The following ZNF141 variants were observed in gnomAD, a reference collection of about 807,000 sequenced individuals.
ZNF141 encodes zinc finger protein 141 (clone pHZ-44).
ZNF141 carries 7 observed loss-of-function variants against 11.3 expected under a neutral mutation model. The observed-to-expected ratio is 0.62, with a 90% CI of 0.35 to 1.16. ZNF141 has a LOEUF of 1.16. Ranked by LOEUF, ZNF141 falls within the 50% of genes most tolerant of loss-of-function variation. The pLI, the probability that ZNF141 is intolerant of heterozygous loss-of-function variation, is 0.02. For synonymous variants in ZNF141, 183 were observed against 190.7 expected, an observed-to-expected ratio of 0.96 and a Z score of 0.33; for missense variants, 535 against 554.0, an observed-to-expected ratio of 0.97 and a Z score of 0.34.
intron 3 of ZNF141, among the ~76,000 whole-genome samples, chr4:360,330 A>T (rs1299148531): frequency 6.6e-6 from 1 of 152,252 alleles, no homozygotes; most frequent in African/African-American, 2.4e-5. Context: ...ACTCAGATTT[A>T]CACATTGTGT....
In ZNF141 at chr4:378,835, A is replaced by ATTTTTTTTTTTTT. The variant is rs570639890; in HGVS notation, c.*4988_*5000dup. ...GTTGAATCCAAACAGTTTCTCAGTG[A>ATTTTTTTTTTTTT]TTTTTTTTTTTTTTTTTTTTTTTTT... On this transcript the variant is annotated 3_prime_UTR_variant, in exon 4 of 4. Transcript: ENST00000240499. 1.3e-5 allele frequency among the ~76,000 whole-genome samples: 1 copy of ATTTTTTTTTTTTT among 78,626 alleles called. No individual in the cohort carries two copies. The highest frequency in any genetic ancestry group is 2.2e-5 in the Non-Finnish European group (1 of 44,670). 51.6% of individuals were successfully genotyped at this position (78,626 alleles called of 152,430 possible). A position where few individuals can be genotyped will look rare whatever the true frequency, so the allele number is the denominator to read the frequency against.
chr4:369,762 A>ATTT (rs1440952353), intron 3 of ZNF141, among the ~76,000 whole-genome samples: 21 of 33,502 alleles, frequency 6.3e-4, no homozygotes, highest in African/African-American at 1.3e-3. Flanking sequence ...ATATATATAT[A>ATTT]TATTTTTTTT....
Position 380,806 on chromosome 4 carries a change from A to T in ZNF141, c.*6944A>T, listed in dbSNP as rs1310098121. Among the ~76,000 whole-genome samples the T allele has an allele frequency of 2.0e-5, 3 of 152,282 alleles. No individual in the cohort carries two copies. Among genetic ancestry groups the T allele is most frequent in the African/African-American group, 7.2e-5 (3 of 41,552 alleles). On this transcript the variant is annotated 3_prime_UTR_variant, in exon 4 of 4. Coordinates refer to ENST00000240499, the MANE Select transcript of ZNF141 (RefSeq NM_003441.4). ...TAGAGATAACACTTATTACAGTAAA[A>T]TCCCTCTTCAGACACAAAATACATG... is the stretch of plus-strand genomic sequence containing the variant.
At position 378,534 on chromosome 4, in the gene ZNF141, C is replaced by T. The variant is rs188592034; in HGVS notation, c.*4672C>T. The stretch of plus-strand genomic sequence containing the variant: ...CTGCCTGCCTTGGCCTCCTGAAGTA[C>T]TGGGATTACAGGCATGAGCCACCGT... On this transcript the variant is annotated 3_prime_UTR_variant, in exon 4 of 4. Transcript: ENST00000240499. Among the ~76,000 whole-genome samples the T allele has an allele frequency of 7.3e-4, 111 of 152,194 alleles. No homozygotes were observed. The highest frequency in any genetic ancestry group is 2.5e-3 in the African/African-American group (104 of 41,536).
intron 3 of ZNF141, among the ~76,000 whole-genome samples, chr4:364,588 CTTT>C (rs1385489409): frequency 1.3e-5 from 2 of 152,072 alleles, no homozygotes; most frequent in African/African-American, 2.4e-5. Context: ...CTCTTTTCTT[CTTT>C]ATTAGTCTTT....
At chr4:351,484 A>G (rs1362028933) in intron 3 of ZNF141, among the ~76,000 whole-genome samples, 5 of 152,068 alleles carry the variant, frequency 3.3e-5, no homozygotes, top group East Asian at 1.9e-4. Context: ...TCGGCCTCCA[A>G]AAGTGCTGAG....
chr4:338,154 C>A (rs1720880208), intron 1 of ZNF141, 168 bp downstream of exon 1: 2 of 791,030 alleles, frequency 2.5e-6, no homozygotes, highest in Non-Finnish European at 1.9e-6. Flanking sequence ...CCCCGCACAG[C>A]GGCTCTGGCC....
intron 3 of ZNF141, among the ~76,000 whole-genome samples, chr4:346,845 A>G (rs1028577872): frequency 3.4e-5 from 5 of 149,158 alleles, no homozygotes; most frequent in African/African-American, 1.3e-4. Flanking sequence ...GTGTGTATAT[A>G]TATATGTATA....
rs1711880371 is a variant in ZNF141, at chr4:368,835, ATTG to A, written c.227-3825_227-3823del. On this transcript the variant is annotated intron_variant, in intron 3 of 3. Coordinates refer to ENST00000240499, the MANE Select transcript of ZNF141 (RefSeq NM_003441.4). The stretch of plus-strand genomic sequence containing the variant: ...TCTGACATTGTTACTCTTTTTGAAG[ATTG>A]TTGAGTGCTTCATTGTTTCTTGAAA... Among the ~76,000 whole-genome samples the A allele has an allele frequency of 2.6e-5, 4 of 152,224 alleles. No individual in the cohort carries two copies. In the South Asian group the frequency reaches 8.3e-4, roughly 32 times the overall value.
At chr4:338,153 G>A in intron 1 of ZNF141, 167 bp downstream of exon 1, 2 of 817,696 alleles carry the variant, frequency 2.4e-6, no homozygotes, top group Non-Finnish European at 1.9e-6. Flanking sequence ...TCCCCGCACA[G>A]CGGCTCTGGC....
chr4:337,825 T>C lies in ZNF141; in HGVS notation c.-159T>C, dbSNP rs1490572016. 2.2e-6 allele frequency: 2 copies of C among 904,378 alleles called. No homozygotes were observed. Among genetic ancestry groups the C allele is most frequent in the East Asian group, 2.8e-5 (1 of 35,374 alleles). The allele number at this position is 904,378 out of a possible 1,614,324, so 56.0% of individuals were successfully genotyped here. A position where few individuals can be genotyped will look rare whatever the true frequency, so the allele number is the denominator to read the frequency against. On this transcript the variant is annotated 5_prime_UTR_variant, in exon 1 of 4. Coordinates refer to ENST00000240499, the MANE Select transcript of ZNF141 (RefSeq NM_003441.4). Reference sequence around the variant, plus strand: ...GGGATGTGGCGCGGGTCTTTGCGTCTGGCTACTACCAGACCGCGGGTTAGG... The same window carrying C: ...GGGATGTGGCGCGGGTCTTTGCGTCCGGCTACTACCAGACCGCGGGTTAGG...
chr4:350,817 G>A (rs113552584), intron 3 of ZNF141, among the ~76,000 whole-genome samples: 4 of 152,124 alleles, frequency 2.6e-5, no homozygotes, highest in African/African-American at 4.8e-5. Context: ...TCGGCTCACC[G>A]CAAGCTCCAC....
rs1581635787 is a variant in ZNF141 at position 379,856 on chromosome 4, G to A, written c.*5994G>A. ...TTGTAGTATATATACATTGTCAAAA[G>A]CTTAATTCTAGCTGCTTAACAAATA... is the stretch of plus-strand genomic sequence containing the variant. On this transcript the variant is annotated 3_prime_UTR_variant, in exon 4 of 4. Coordinates refer to ENST00000240499, the MANE Select transcript of ZNF141 (RefSeq NM_003441.4). 6.6e-6 allele frequency among the ~76,000 whole-genome samples: 1 copy of A among 152,168 alleles called. No homozygotes were observed. The highest frequency in any genetic ancestry group is 1.5e-5 in the Non-Finnish European group (1 of 68,024).
intron 3 of ZNF141, among the ~76,000 whole-genome samples, chr4:351,750 A>G (rs1721613386): frequency 6.6e-6 from 1 of 152,172 alleles, no homozygotes; most frequent in African/African-American, 2.4e-5. Context: ...AAAGCAGGTC[A>G]TCAATAGCCC....
chr4:384,535 G>A lies in ZNF141; in HGVS notation c.*10673G>A, dbSNP rs1553856144. On this transcript the variant is annotated 3_prime_UTR_variant, in exon 4 of 4. Coordinates refer to ENST00000240499, the MANE Select transcript of ZNF141 (RefSeq NM_003441.4). ...CCAGGTGTAATGAATCAACCTAAAT[G>A]TCATTAACTTGACCCAGCTCCTTAT... The A allele has an allele frequency of 6.6e-6, 1 of 152,184 alleles. No individual in the cohort carries two copies. The highest frequency in any genetic ancestry group is 1.9e-4 in the East Asian group (1 of 5,198). The allele number at this position is 152,184 out of a possible 1,614,324, so 9.4% of individuals were successfully genotyped here. A position where few individuals can be genotyped will look rare whatever the true frequency, so the allele number is the denominator to read the frequency against.
chr4:341,504 T>C (rs1382246651), intron 1 of ZNF141, among the ~76,000 whole-genome samples: 4 of 152,202 alleles, frequency 2.6e-5, no homozygotes, highest in Admixed American at 6.5e-5. Flanking sequence ...AGGGTTTTGG[T>C]TAAATTCCTT....
chr4:361,390 T>G (rs1311613580), intron 3 of ZNF141, among the ~76,000 whole-genome samples: 2 of 151,490 alleles, frequency 1.3e-5, no homozygotes, highest in Admixed American at 1.3e-4. Context: ...TCTTTCTGTT[T>G]TTTTTTTTTT....
At chr4:371,649 C>T (rs1553853601) in intron 3 of ZNF141, among the ~76,000 whole-genome samples, 1 of 152,062 alleles carries the variant, frequency 6.6e-6, no homozygotes, top group African/African-American at 2.4e-5. Context: ...ACGCCATTCT[C>T]CTGCCTCAGC....
rs1452982863 is a variant in ZNF141, at chr4:373,793, A to G, written c.1356A>G (p.Lys452=). 2.5e-6 allele frequency: 4 copies of G among 1,614,118 alleles called. No individual in the cohort carries two copies. Among genetic ancestry groups the G allele is most frequent in the Non-Finnish European group, 3.4e-6 (4 of 1,179,962 alleles). The change falls in exon 4 of 4, where the codon AAA becomes AAG. Residue 452 remains lysine, a synonymous_variant. Transcript: ENST00000240499. ...TTCATACTGTAGATAAACCCTACAA[A>G]TGTAAAGATTGTGACAAAGCCTTTA... ...KKIHTVDKPY[K]CKDCDKAFKR...
Sources: gnomAD v4.1 joint callset for allele counts (sites outside exome capture counted in the v4.1 genomes callset) on GRCh38, gnomAD v4.1.1 for gene constraint, MANE v1.5 for transcripts, NCBI Gene and HGNC (gene_info 2026-07-23, HGNC 2026-07-21) for gene names.